The following SLC25A42 variants were observed in gnomAD, a reference collection of about 807,000 sequenced individuals.
SLC25A42 encodes the protein solute carrier family 25 member 42.
In SLC25A42, 19 loss-of-function variants were observed where a neutral mutation model predicts 34.7. The observed-to-expected ratio is 0.55, with a 90% CI of 0.38 to 0.80. The LOEUF (loss-of-function observed/expected upper bound fraction) is 0.80, where lower values mean the gene tolerates loss of function less well. Ranked by LOEUF, SLC25A42 falls within the 30% of genes least tolerant of loss-of-function variation. The probability of loss-of-function intolerance (pLI) is 0.00; values close to 1 mark genes in which losing one functional copy is unlikely to be tolerated. For synonymous variants in SLC25A42, 205 were observed against 191.2 expected (o/e 1.07, Z -0.59); for missense variants, 364 against 441.3 (o/e 0.82, Z 1.57).
chr19:19,088,202 A>ATTT (rs10706701), intron 1 of SLC25A42, among the ~76,000 whole-genome samples: 2 of 96,746 alleles, frequency 2.1e-5, no homozygotes, highest in East Asian at 3.1e-4. Flanking sequence ...CTGATCTTCA[A>ATTT]TTTTTTTTTT....
At chr19:19,067,021 CAA>C (rs11419955) in intron 1 of SLC25A42, among the ~76,000 whole-genome samples, 20 of 115,652 alleles carry the variant, frequency 1.7e-4, no homozygotes, top group East Asian at 2.5e-4. Flanking sequence ...GACCCTGTCT[CAA>C]AAAAAAAAAA....
intron 1 of SLC25A42, among the ~76,000 whole-genome samples, chr19:19,067,248 G>A (rs1294487451): frequency 6.6e-6 from 1 of 152,084 alleles, no homozygotes; most frequent in Non-Finnish European, 1.5e-5. Flanking sequence ...GTGGGGTAGG[G>A]ATTAAACATT....
At chr19:19,104,555 G>A (rs919009576) in intron 3 of SLC25A42, among the ~76,000 whole-genome samples, 5 of 152,216 alleles carry the variant, frequency 3.3e-5, no homozygotes, top group African/African-American at 4.8e-5. Flanking sequence ...GGGCATGTCC[G>A]GGAGAGAGGG....
chr19:19,106,322 C>T lies in SLC25A42; in HGVS notation c.434C>T (p.Ala145Val). ...LFAGALAGTT[A>V]ASLTYPLDLV... Reference sequence around the variant, plus strand: ...GCCGGCGCACTGGCTGGAACGACAGCCGCTTCACTGACCTACCCCCTGGAC... The same window carrying T: ...GCCGGCGCACTGGCTGGAACGACAGTCGCTTCACTGACCTACCCCCTGGAC... Residue 145 changes from alanine to valine, a missense_variant, in exon 6 of 8, where the codon GCC (alanine) becomes GTC (valine). Coordinates refer to ENST00000318596, the MANE Select transcript of SLC25A42 (RefSeq NM_178526.5). The T allele has an allele frequency of 6.2e-7, 1 of 1,613,582 alleles. No homozygotes were observed.
chr19:19,106,019 C>T (rs1179063626), intron 5 of SLC25A42: 2 of 557,252 alleles, frequency 3.6e-6, no homozygotes, highest in East Asian at 6.0e-5. Flanking sequence ...GCCCCCAGGG[C>T]CGTAGGGAAA....
intron 4 of SLC25A42, 94 bp from the exon 5 acceptor site, chr19:19,105,467 C>T: frequency 6.8e-7 from 1 of 1,479,486 alleles, no homozygotes; most frequent in Non-Finnish European, 9.1e-7. Context: ...CACCCCGGCC[C>T]CGCCTCCGCA....
intron 1 of SLC25A42, among the ~76,000 whole-genome samples, chr19:19,084,018 G>T (rs2059694127): frequency 6.8e-6 from 1 of 147,704 alleles, no homozygotes; most frequent in Non-Finnish European, 1.5e-5. Context: ...ACCCCAGCAT[G>T]CCCCTGCAGG....
chr19:19,099,257 T>C (rs2145918494), intron 2 of SLC25A42, among the ~76,000 whole-genome samples: 1 of 152,230 alleles, frequency 6.6e-6, no homozygotes, highest in East Asian at 1.9e-4. Context: ...TCAAACTCCA[T>C]GGCGAAGTTT....
chr19:19,072,429 G>A (rs2059635742), intron 1 of SLC25A42, among the ~76,000 whole-genome samples: 1 of 152,164 alleles, frequency 6.6e-6, no homozygotes, highest in South Asian at 2.1e-4. Flanking sequence ...CCAGGCTGGA[G>A]TGCAGTGGCC....
At chr19:19,068,354 CAAA>C (rs565352679) in intron 1 of SLC25A42, among the ~76,000 whole-genome samples, 9 of 68,838 alleles carry the variant, frequency 1.3e-4, no homozygotes, top group Admixed American at 1.8e-4. Flanking sequence ...GACTCTGTCT[CAAA>C]AAAAAAAAAA....
At chr19:19,084,813 C>G (rs2059698987) in intron 1 of SLC25A42, among the ~76,000 whole-genome samples, 2 of 151,836 alleles carry the variant, frequency 1.3e-5, no homozygotes, top group Non-Finnish European at 2.9e-5. Flanking sequence ...GGCACATGGG[C>G]AGGGCAAGGT....
rs746971555 is a variant in SLC25A42, at chr19:19,106,376, C to T, written c.488C>T (p.Pro163Leu). The T allele has an allele frequency of 2.5e-6, 4 of 1,611,554 alleles. No individual in the cohort carries two copies. The highest frequency in any genetic ancestry group is 3.4e-6 in the Non-Finnish European group (4 of 1,178,406). ...GTCAGAGCGCGGATGGCCGTAACCC[C>T]GAAGGAAATGTGAGTCCTTACATCG... ...DLVRARMAVT[P>L]KEMYSNIFHV... The change falls in exon 6 of 8, where the codon CCG becomes CTG. Residue 163 changes from proline (P) to leucine (L), a missense_variant. Coordinates refer to ENST00000318596, the MANE Select transcript of SLC25A42 (RefSeq NM_178526.5).
chr19:19,072,475 T>C (rs2145898546), intron 1 of SLC25A42, among the ~76,000 whole-genome samples: 1 of 151,116 alleles, frequency 6.6e-6, no homozygotes, highest in South Asian at 2.1e-4. Context: ...CCTCCTGGGC[T>C]CAAGTGATTC....
rs1463582690 is a variant in SLC25A42, at chr19:19,081,131, A to C, written c.-34-14960A>C. ...ACCCTGAAAAAATAAAAAAAAGAAG[A>C]AAGAAAGAATAAAGAAAAGAAAGGA... On this transcript the variant is annotated intron_variant, in intron 1 of 7. Transcript: ENST00000318596. This position sits in a 1 kb window ranked among gnomAD's most constrained non-coding sequence, Gnocchi z 4.5. Among the ~76,000 whole-genome samples, 2 of 151,964 alleles carry C rather than the reference A, an allele frequency of 1.3e-5. No homozygotes were observed. Among genetic ancestry groups the C allele is most frequent in the Non-Finnish European group, 2.9e-5 (2 of 67,986 alleles).
chr19:19,072,689 T>C (rs201832513), intron 1 of SLC25A42, among the ~76,000 whole-genome samples: 1 of 150,628 alleles, frequency 6.6e-6, no homozygotes, highest in Non-Finnish European at 1.5e-5. Context: ...AGCCAAAAAA[T>C]TTTTTTTAGA....
Position 19,106,361 on chromosome 19 carries a change from G to C in SLC25A42, c.473G>C (p.Arg158Pro). Reference protein sequence around the residue: ...LTYPLDLVRARMAVTPKEMYS... With the variant: ...LTYPLDLVRAPMAVTPKEMYS... ...TACCCCCTGGACCTGGTCAGAGCGC[G>C]GATGGCCGTAACCCCGAAGGAAATG... The change falls in exon 6 of 8, where the codon CGG becomes CCG. Residue 158 changes from arginine to proline, a missense_variant. Transcript: ENST00000318596. 6.2e-7 allele frequency: 1 copy of C among 1,613,178 alleles called. No homozygotes were observed. Among genetic ancestry groups the C allele is most frequent in the East Asian group, 2.2e-5 (1 of 44,816 alleles).
chr19:19,085,885 C>T (rs2059705873), intron 1 of SLC25A42, among the ~76,000 whole-genome samples: 1 of 152,170 alleles, frequency 6.6e-6, no homozygotes, highest in South Asian at 2.1e-4. Context: ...AGGGTGCACT[C>T]TGCTGAGAAG....
intron 1 of SLC25A42, among the ~76,000 whole-genome samples, chr19:19,090,664 AC>A (rs980324474): frequency 4.6e-5 from 7 of 152,094 alleles, no homozygotes; most frequent in Non-Finnish European, 1.0e-4. Context: ...AACAACAACA[AC>A]AACAACAACA....
chr19:19,084,350 C>T (rs2059696435), intron 1 of SLC25A42, among the ~76,000 whole-genome samples: 1 of 152,218 alleles, frequency 6.6e-6, no homozygotes, highest in Non-Finnish European at 1.5e-5. Flanking sequence ...TTGGGGCAAC[C>T]TCTTCATCGT....
Sources: gnomAD v4.1 joint callset for allele counts (sites outside exome capture counted in the v4.1 genomes callset) on GRCh38, gnomAD v4.1.1 for gene constraint, Gnocchi (gnomAD v3.1) non-coding constraint, MANE v1.5 for transcripts, NCBI Gene and HGNC (gene_info 2026-07-23, HGNC 2026-07-21) for gene names.